SEL1L3: variants seen among roughly 807,000 people sequenced by gnomAD.
The protein encoded by SEL1L3 is SEL1L family member 3.
SEL1L3 carries 76 observed loss-of-function variants against 142.8 expected under a neutral mutation model. That is an observed-to-expected ratio of 0.53 (90% CI 0.44 to 0.64). The LOEUF is 0.64. Among genes scored for constraint, SEL1L3 ranks in the 30% least tolerant of loss-of-function variants. The pLI is 0.00. For missense variants in SEL1L3, 1,262 were observed against 1,381.7 expected (o/e 0.91, Z 1.37); for synonymous variants, 504 against 519.6 (o/e 0.97, Z 0.41).
At chr4:25,773,836 C>T (rs1320947205) in intron 17 of SEL1L3, among the ~76,000 whole-genome samples, 1 of 152,196 alleles carries the variant, frequency 6.6e-6, no homozygotes, top group Non-Finnish European at 1.5e-5. Flanking sequence ...CTGCAATTCC[C>T]TACACCATAA....
At position 25,765,308 on chromosome 4, in the gene SEL1L3, G is replaced by A; in HGVS notation, c.2955+18C>T. 6.5e-7 allele frequency: 1 copy of A among 1,545,262 alleles called. No homozygotes were observed. The stretch of plus-strand genomic sequence containing the variant: ...CGTGCCCGGCCAAGAGCTGGTTTTT[G>A]TTGCGGTTGCTGTTTACCTGGGAGT... On this transcript the variant is annotated intron_variant, in intron 20 of 23. Transcript: ENST00000399878.
At chr4:25,751,356 G>A (rs1200631302) in intron 23 of SEL1L3, among the ~76,000 whole-genome samples, 1 of 152,134 alleles carries the variant, frequency 6.6e-6, no homozygotes, top group Non-Finnish European at 1.5e-5. Flanking sequence ...GAAGACTTGG[G>A]AGAAGAAGGG....
intron 8 of SEL1L3, among the ~76,000 whole-genome samples, chr4:25,819,129 A>G (rs958497326): frequency 6.6e-6 from 1 of 152,248 alleles, no homozygotes; most frequent in Non-Finnish European, 1.5e-5. Flanking sequence ...AAACAGCAAG[A>G]TCCACAGCAC....
At chr4:25,825,508 A>G (rs1328795544) in intron 6 of SEL1L3, among the ~76,000 whole-genome samples, 1 of 152,076 alleles carries the variant, frequency 6.6e-6, no homozygotes, top group African/African-American at 2.4e-5. Flanking sequence ...TGAAAGAATC[A>G]CCGACGTTGT....
rs568855113 is a variant in SEL1L3, at chr4:25,859,729, C to A, written c.162+2946G>T. On this transcript the variant is annotated intron_variant, in intron 1 of 23. Transcript: ENST00000399878. ...ATGCACATTCATCCAAACTCAAATG[C>A]TAAACTCTACCAGCTGCCTCTGGAC... Among the ~76,000 whole-genome samples the A allele has an allele frequency of 2.0e-5, 3 of 152,340 alleles. No individual in the cohort carries two copies. The East Asian group carries it at 5.8e-4, about 29-fold the overall frequency.
Position 25,862,867 on chromosome 4 carries a change from G to C in SEL1L3, c.-31C>G, listed in dbSNP as rs1717832021. 2 of 1,078,684 alleles carry C rather than the reference G, an allele frequency of 1.9e-6. No individual in the cohort carries two copies. The highest frequency in any genetic ancestry group is 5.3e-5 in the Admixed American group (1 of 18,826). 66.8% of individuals were successfully genotyped at this position (1,078,684 alleles called of 1,614,324 possible). On this transcript the variant is annotated 5_prime_UTR_variant, in exon 1 of 24. Coordinates refer to ENST00000399878, the MANE Select transcript of SEL1L3 (RefSeq NM_015187.5). Reference sequence around the variant, plus strand: ...GGCCGCCCGGATCCGGGCCGGAACAGGTCACCTGGTGCAGGGACCGGCCCC... The same window carrying C: ...GGCCGCCCGGATCCGGGCCGGAACACGTCACCTGGTGCAGGGACCGGCCCC...
At chr4:25,736,907 T>C in the SEL1L3 span, among the ~76,000 whole-genome samples, 2 of 152,196 alleles carry the variant, frequency 1.3e-5, no homozygotes, top group African/African-American at 4.8e-5. Flanking sequence ...GTCTATTTTA[T>C]CTAATATTAA....
chr4:25,717,278 G>A, the SEL1L3 span, among the ~76,000 whole-genome samples: 1 of 152,212 alleles, frequency 6.6e-6, no homozygotes, highest in Non-Finnish European at 1.5e-5. Flanking sequence ...TTTCCTGGCT[G>A]TGTGACAAGA....
At chr4:25,847,947 G>A in intron 1 of SEL1L3, 83 bp from the exon 2 acceptor site, 1 of 865,922 alleles carries the variant, frequency 1.2e-6, no homozygotes, top group Non-Finnish European at 1.7e-6. Context: ...TTATTTTCCT[G>A]GGATAAAAAA....
In SEL1L3 at chr4:25,822,085, T is replaced by G; in HGVS notation, c.1201A>C (p.Ile401Leu). The G allele has an allele frequency of 6.2e-7, 1 of 1,613,850 alleles. No homozygotes were observed. The highest frequency in any genetic ancestry group is 1.3e-5 in the African/African-American group (1 of 74,994). Residue 401 changes from isoleucine to leucine, a missense_variant, in exon 7 of 24, where the codon ATT becomes CTT. By Grantham distance (5) the Ile-to-Leu change is conservative. Around this residue, in one of 3 missense-constraint regions of SEL1L3, gnomAD observed 689 missense variants for 692.8 expected, o/e 0.99. Coordinates refer to ENST00000399878, the MANE Select transcript of SEL1L3 (RefSeq NM_015187.5). ...FHYNDTAGYF[I>L]IGGSRYVAGI... ...GCCACATACCTGCTCCCTCCAATAA[T>G]GAAGTACCCAGCTGTGTCATTATAA...
In SEL1L3 at chr4:25,788,414, A is replaced by T. The variant is rs971928430; in HGVS notation, c.2077-50T>A. 1.0e-5 allele frequency: 16 copies of T among 1,588,668 alleles called. No individual in the cohort carries two copies. Among genetic ancestry groups the T allele is most frequent in the East Asian group, 2.2e-5 (1 of 44,612 alleles). On this transcript the variant is annotated intron_variant, in intron 12 of 23. Coordinates refer to ENST00000399878, the MANE Select transcript of SEL1L3 (RefSeq NM_015187.5). This position sits in a 1 kb window ranked among gnomAD's most constrained non-coding sequence, Gnocchi z 5.3. ...CAATGACTTTTCCTGTATAATGCTT[A>T]ACACAAGATTTTGAAAGGTGGGAGA... is the stretch of plus-strand genomic sequence containing the variant.
In SEL1L3 at chr4:25,862,724, T is replaced by C; in HGVS notation, c.113A>G (p.Gln38Arg). 2 of 1,282,868 alleles carry C rather than the reference T, an allele frequency of 1.6e-6. No homozygotes were observed. Among genetic ancestry groups the C allele is most frequent in the South Asian group, 2.4e-5 (1 of 41,376 alleles). 79.5% of individuals were successfully genotyped at this position (1,282,868 alleles called of 1,614,324 possible). The change falls in exon 1 of 24, where the codon CAG becomes CGG. Residue 38 changes from glutamine to arginine, a missense_variant. Physicochemically the swap from Gln to Arg is conservative, Grantham distance 43. Transcript: ENST00000399878. ...AAMVPSGGVP[Q>R]GLGGRSACAL... ...GCAGGCAGAGCGGCCGCCGAGGCCC[T>C]GGGGGACGCCGCCACTCGGGACCAT... is the stretch of plus-strand genomic sequence containing the variant.
At chr4:25,806,196 G>C (rs1425655812) in intron 9 of SEL1L3, among the ~76,000 whole-genome samples, 1 of 151,706 alleles carries the variant, frequency 6.6e-6, no homozygotes, top group East Asian at 1.9e-4. Context: ...CCGCCAGCAC[G>C]CCCGGCTAAT....
rs1717338389 is a variant in SEL1L3, at chr4:25,747,826, C to T, written c.*599G>A. On this transcript the variant is annotated 3_prime_UTR_variant, in exon 24 of 24. Transcript: ENST00000399878. ...ATTAAATGATTCGGAAGCACTAGGA[C>T]CCTAGAAAAATTCAAGGAGAAAAAT... 6.5e-6 allele frequency: 1 copy of T among 152,696 alleles called. No homozygotes were observed. Among genetic ancestry groups the T allele is most frequent in the Admixed American group, 6.5e-5 (1 of 15,280 alleles). 9.5% of individuals were successfully genotyped at this position (152,696 alleles called of 1,614,324 possible).
At chr4:25,741,950 A>G in the SEL1L3 span, among the ~76,000 whole-genome samples, 1 of 151,922 alleles carries the variant, frequency 6.6e-6, no homozygotes, top group African/African-American at 2.4e-5. Context: ...CTGGGATTAC[A>G]GGCACCTGCC....
At chr4:25,776,530 G>C (rs1425687394) in intron 16 of SEL1L3, 170 bp from the exon 17 acceptor site, 2 of 572,502 alleles carry the variant, frequency 3.5e-6, no homozygotes, top group Non-Finnish European at 6.2e-6. Context: ...CATTCTGAGA[G>C]CTTTTCATTT....
intron 20 of SEL1L3, among the ~76,000 whole-genome samples, chr4:25,762,877 G>A (rs181129781): frequency 0.012 from 1,896 of 152,014 alleles, 17 homozygotes; most frequent in South Asian, 0.035. Flanking sequence ...TCGGGAGGCT[G>A]AGGCAGGAGA....
chr4:25,823,550 AAAT>A (rs994359628), intron 6 of SEL1L3, among the ~76,000 whole-genome samples: 2 of 152,128 alleles, frequency 1.3e-5, no homozygotes, highest in African/African-American at 4.8e-5. Flanking sequence ...AATAAAATAA[AAAT>A]AACAAGAATT....
intron 10 of SEL1L3, among the ~76,000 whole-genome samples, chr4:25,803,738 T>C (rs534240284): frequency 6.6e-6 from 1 of 152,122 alleles, no homozygotes; most frequent in African/African-American, 2.4e-5. Context: ...GCTTTCTGCC[T>C]GCCTGCCTGC....
Sources: allele counts gnomAD v4.1 joint callset (sites outside exome capture counted in the v4.1 genomes callset), GRCh38; gene constraint gnomAD v4.1.1; regional missense constraint gnomAD v4.1.1; non-coding constraint Gnocchi (gnomAD v3.1); transcripts MANE v1.5; gene names NCBI Gene and HGNC (gene_info 2026-07-23, HGNC 2026-07-21).